ZZZ3: variants seen among roughly 807,000 people sequenced by gnomAD.
The protein encoded by ZZZ3 is ZZ-type zinc finger-containing protein 3.
Under a neutral mutation model 95.2 loss-of-function variants are expected in ZZZ3, and 22 were observed. That is an observed-to-expected ratio of 0.23 (90% CI 0.17 to 0.33). The LOEUF is 0.33. Among genes scored for constraint, ZZZ3 ranks in the 10% least tolerant of loss-of-function variants. ZZZ3 has a pLI of 1.00. For synonymous variants in ZZZ3, 335 were observed against 358.9 expected (o/e 0.93, Z 0.75); for missense variants, 885 against 1,066.5 (o/e 0.83, Z 2.37).
chr1:77,643,733 C>G (rs577287242), intron 1 of ZZZ3, among the ~76,000 whole-genome samples: 1 of 152,288 alleles, frequency 6.6e-6, no homozygotes, highest in South Asian at 2.1e-4. Context: ...CAAAAGACTA[C>G]GTAAATCTCA....
chr1:77,572,981 T>G (rs1346940324), intron 12 of ZZZ3, among the ~76,000 whole-genome samples: 2 of 151,988 alleles, frequency 1.3e-5, no homozygotes, highest in Admixed American at 6.6e-5. Context: ...ACCACCACTC[T>G]TCATCTGGCC....
intron 5 of ZZZ3, among the ~76,000 whole-genome samples, chr1:77,597,914 A>G (rs1664364125): frequency 6.6e-6 from 1 of 152,192 alleles, no homozygotes; most frequent in South Asian, 2.1e-4. Flanking sequence ...TAACAAATGA[A>G]CCATACCATA....
chr1:77,583,423 A>G (rs1435202179), intron 6 of ZZZ3, among the ~76,000 whole-genome samples: 2 of 152,288 alleles, frequency 1.3e-5, no homozygotes, highest in East Asian at 3.9e-4. Flanking sequence ...ATAAACACTT[A>G]AAGGGGCCTC....
chr1:77,579,457 C>T (rs1053711707), intron 10 of ZZZ3, 70 bp downstream of exon 10: 4 of 1,119,220 alleles, frequency 3.6e-6, no homozygotes, highest in Middle Eastern at 3.9e-4. Flanking sequence ...CCAATGTCAG[C>T]TGCATTATTC....
chr1:77,672,935 A>ATT, intron 1 of ZZZ3, among the ~76,000 whole-genome samples: 1 of 151,714 alleles, frequency 6.6e-6, no homozygotes, highest in East Asian at 1.9e-4. Flanking sequence ...AAAACAAGTG[A>ATT]TTTTTTTTTA....
intron 1 of ZZZ3, among the ~76,000 whole-genome samples, chr1:77,655,484 T>G (rs774259037): frequency 1.3e-5 from 2 of 152,230 alleles, no homozygotes; most frequent in Non-Finnish European, 2.9e-5. Flanking sequence ...AACCAGGAAC[T>G]GGGCCGTTGC....
intron 3 of ZZZ3, among the ~76,000 whole-genome samples, chr1:77,640,043 T>C (rs941952811): frequency 6.6e-6 from 1 of 152,082 alleles, no homozygotes; most frequent in Non-Finnish European, 1.5e-5. Context: ...AGGTTATGCA[T>C]AAAAGAATCA....
intron 1 of ZZZ3, among the ~76,000 whole-genome samples, chr1:77,644,617 G>A (rs776597143): frequency 2.0e-5 from 3 of 152,082 alleles, no homozygotes; most frequent in Admixed American, 6.5e-5. Flanking sequence ...TAATTATTTC[G>A]CCATGAGCAA....
chr1:77,633,934 G>A (rs1186253723), intron 4 of ZZZ3, among the ~76,000 whole-genome samples: 1 of 152,134 alleles, frequency 6.6e-6, no homozygotes, highest in Non-Finnish European at 1.5e-5. Context: ...CACTTTGGGA[G>A]GCTGAGGCGG....
chr1:77,623,469 G>A (rs1219721473), intron 5 of ZZZ3, among the ~76,000 whole-genome samples: 1 of 152,138 alleles, frequency 6.6e-6, no homozygotes, highest in African/African-American at 2.4e-5. Context: ...AAACATTCAT[G>A]ATTCTATCAA....
chr1:77,589,653 T>A (rs1419834833), intron 5 of ZZZ3, among the ~76,000 whole-genome samples: 2 of 151,664 alleles, frequency 1.3e-5, no homozygotes, highest in Admixed American at 1.3e-4. Context: ...AGGGACAGGG[T>A]CTCGCTTTGT....
intron 5 of ZZZ3, among the ~76,000 whole-genome samples, chr1:77,587,991 T>A (rs1663274307): frequency 6.6e-6 from 1 of 152,220 alleles, no homozygotes; most frequent in South Asian, 2.1e-4. Flanking sequence ...GAATACAGTA[T>A]AAAGTACATG....
At chr1:77,620,405 G>T (rs1017409781) in intron 5 of ZZZ3, among the ~76,000 whole-genome samples, 1 of 151,402 alleles carries the variant, frequency 6.6e-6, no homozygotes, top group Non-Finnish European at 1.5e-5. Context: ...ACCACAGAAA[G>T]CAAATAAGGA....
At chr1:77,578,700 G>A in intron 11 of ZZZ3, 74 bp downstream of exon 11, 1 of 841,384 alleles carries the variant, frequency 1.2e-6, no homozygotes, top group Non-Finnish European at 1.7e-6. Flanking sequence ...TCTGTCAAAT[G>A]TGTAGATTTT....
chr1:77,667,763 C>CTTTTTTT (rs34939314), intron 1 of ZZZ3, among the ~76,000 whole-genome samples: 1 of 115,108 alleles, frequency 8.7e-6, no homozygotes, highest in Admixed American at 8.8e-5. Context: ...AATGGGTATT[C>CTTTTTTT]TTTTTTTTTT....
At chr1:77,576,404 A>T (rs550450012) in intron 11 of ZZZ3, among the ~76,000 whole-genome samples, 184 bp from the exon 12 acceptor site, 119 of 152,064 alleles carry the variant, frequency 7.8e-4, no homozygotes, top group African/African-American at 2.8e-3. Context: ...GCTTTAAAAA[A>T]TTTTTTTTAA....
intron 5 of ZZZ3, among the ~76,000 whole-genome samples, chr1:77,622,185 T>C (rs947100612): frequency 8.7e-5 from 13 of 148,834 alleles, no homozygotes; most frequent in Middle Eastern, 3.2e-3. Context: ...CACACACCTG[T>C]AGTCCCAGCT....
chr1:77,637,550 G>A (rs1196026599), intron 4 of ZZZ3, among the ~76,000 whole-genome samples: 1 of 152,172 alleles, frequency 6.6e-6, no homozygotes, highest in Non-Finnish European at 1.5e-5. Context: ...AGGTGCAGGG[G>A]CAGGGAAGTG....
chr1:77,679,618 T>C (rs895128303), intron 1 of ZZZ3, among the ~76,000 whole-genome samples: 4 of 152,182 alleles, frequency 2.6e-5, no homozygotes, highest in African/African-American at 2.4e-5. Context: ...TCTGTGGAAA[T>C]TGGCATGGTG....
Sources: allele counts gnomAD v4.1 joint callset (sites outside exome capture counted in the v4.1 genomes callset), GRCh38; gene constraint gnomAD v4.1.1; transcripts MANE v1.5; gene names NCBI Gene and HGNC (gene_info 2026-07-23, HGNC 2026-07-21).